The following MTCH1 variants were observed in gnomAD, a reference collection of about 807,000 sequenced individuals.
The protein encoded by MTCH1 is mitochondrial carrier homolog 1.
Under a neutral mutation model 49.3 loss-of-function variants are expected in MTCH1, and 23 were observed. The observed-to-expected ratio is 0.47, with a 90% CI of 0.34 to 0.66. MTCH1 has a LOEUF of 0.66. Ranked by LOEUF, MTCH1 falls within the 30% of genes least tolerant of loss-of-function variation. MTCH1 has a pLI of 0.01. For synonymous variants in MTCH1, 229 were observed against 215.2 expected, an observed-to-expected ratio of 1.06 and a Z score of -0.56; for missense variants, 397 against 532.1, an observed-to-expected ratio of 0.75 and a Z score of 2.50.
chr6:36,984,675 C>T (rs1764230822), intron 1 of MTCH1, among the ~76,000 whole-genome samples: 1 of 152,040 alleles, frequency 6.6e-6, no homozygotes, highest in Non-Finnish European at 1.5e-5. Flanking sequence ...CCCAGCCACA[C>T]CCACCTAATT....
chr6:36,978,323 C>T (rs190758893), intron 3 of MTCH1, among the ~76,000 whole-genome samples, 168 bp from the exon 4 acceptor site: 1 of 152,326 alleles, frequency 6.6e-6, no homozygotes, highest in East Asian at 1.9e-4. Context: ...AAGAAAGCCA[C>T]TATCTGGTGT....
chr6:36,978,599 A>G lies in MTCH1; in HGVS notation c.419T>C (p.Val140Ala). ...PSFFTYAKYI[V>A]QVDGKIGLFR... is the part of the protein sequence containing the mutation. Reference sequence around the variant, plus strand: ...CAGCCCTATCTTACCATCCACTTGCACGATGTACTTGGCTGTAAGAAAACA... The same window carrying G: ...CAGCCCTATCTTACCATCCACTTGCGCGATGTACTTGGCTGTAAGAAAACA... The change falls in exon 3 of 12, where the codon GTG (valine) becomes GCG (alanine). Residue 140 changes from valine to alanine, a missense_variant. Val to Ala is a moderately conservative substitution (Grantham distance 64). Coordinates refer to ENST00000373627, the MANE Select transcript of MTCH1 (RefSeq NM_001271641.2). 2.5e-6 allele frequency: 4 copies of G among 1,614,096 alleles called. No individual in the cohort carries two copies. Among genetic ancestry groups the G allele is most frequent in the Non-Finnish European group, 3.4e-6 (4 of 1,179,966 alleles).
intron 1 of MTCH1, among the ~76,000 whole-genome samples, chr6:36,984,497 G>A (rs1764222127): frequency 6.6e-6 from 1 of 152,038 alleles, no homozygotes; most frequent in South Asian, 2.1e-4. Context: ...TCTCATTCCA[G>A]TTGTATTTTG....
rs556834916 is a variant in MTCH1, at chr6:36,968,223, T to C, written c.*680A>G. 9 of 159,850 alleles carry C rather than the reference T, an allele frequency of 5.6e-5. No homozygotes were observed. Among genetic ancestry groups the C allele is most frequent in the African/African-American group, 1.9e-4 (8 of 41,642 alleles). The allele number at this position is 159,850 out of a possible 1,614,324, so 9.9% of individuals were successfully genotyped here. A position where few individuals can be genotyped will look rare whatever the true frequency, so the allele number is the denominator to read the frequency against. On this transcript the variant is annotated 3_prime_UTR_variant, in exon 12 of 12. Coordinates refer to ENST00000373627, the MANE Select transcript of MTCH1 (RefSeq NM_001271641.2). ...TAAAACTGGGTAGGACTAGAGACAC[T>C]GATCTGCCCAACCTCTGGGTATTCA...
chr6:36,970,232 CCA>C (rs746788438), intron 10 of MTCH1, 118 bp from the exon 11 acceptor site: 26 of 1,418,690 alleles, frequency 1.8e-5, no homozygotes, highest in South Asian at 2.5e-5. Context: ...ACCCCTGACA[CCA>C]CAGTTTACCC....
rs778764027 is a variant in MTCH1, at chr6:36,985,869, A to T, written c.305T>A (p.Val102Glu). 6.4e-7 allele frequency: 1 copy of T among 1,558,938 alleles called. No homozygotes were observed. The highest frequency in any genetic ancestry group is 8.7e-7 in the Non-Finnish European group (1 of 1,151,406). The change falls in exon 1 of 12, where the codon GTG (valine) becomes GAG (glutamate). Residue 102 changes from valine to glutamate, a missense_variant. Physicochemically the swap from Val to Glu is moderately radical, Grantham distance 121 (BLOSUM62 -2). This residue lies in a region of MTCH1 where 252 missense variants were observed against 388.3 expected (regional missense o/e 0.65). Coordinates refer to ENST00000373627, the MANE Select transcript of MTCH1 (RefSeq NM_001271641.2). ...VTALSHPLLY[V>E]KLLIQVGHEP... The stretch of plus-strand genomic sequence containing the variant: ...GTCCCCCACCTGGATGAGCAGCTTC[A>T]CGTAGAGCAGGGGATGGCTGAGCGC...
chr6:36,986,459 G>A (rs188601897), upstream of MTCH1, among the ~76,000 whole-genome samples: 3,367 of 152,136 alleles, frequency 0.022, 124 homozygotes, highest in African/African-American at 0.077. Flanking sequence ...AGAGCACGCG[G>A]GGGCGGGGTT....
At position 36,977,201 on chromosome 6, in the gene MTCH1, G is replaced by A. The variant is rs1202593515; in HGVS notation, c.699C>T (p.Tyr233=). Residue 233 remains tyrosine (Y), a splice_region_variant and synonymous_variant, in exon 6 of 12, where the codon TAC becomes TAT. Transcript: ENST00000373627. The surrounding 1 kb of genome is among the most constrained non-coding windows in gnomAD (Gnocchi z 5.4). ...MVQFVGREAK[Y]SGVLSSIGKI... ...TGCCAGTCCCAAGAGTTACCCACCT[G>A]TACTTGGCCTCCCGTCCCACAAACT... 1.9e-6 allele frequency: 3 copies of A among 1,613,920 alleles called. No homozygotes were observed. Among genetic ancestry groups the A allele is most frequent in the Non-Finnish European group, 2.5e-6 (3 of 1,179,950 alleles).
intron 2 of MTCH1, among the ~76,000 whole-genome samples, chr6:36,979,803 A>G (rs1367889604): frequency 6.6e-6 from 1 of 152,112 alleles, no homozygotes; most frequent in Non-Finnish European, 1.5e-5. Flanking sequence ...ATCCTGAGCA[A>G]AACATCGACC....
chr6:36,978,498 G>T lies in MTCH1; in HGVS notation c.513+7C>A, dbSNP rs1424703340. The T allele has an allele frequency of 6.2e-7, 1 of 1,613,500 alleles. No homozygotes were observed. Among genetic ancestry groups the T allele is most frequent in the East Asian group, 2.2e-5 (1 of 44,878 alleles). Reference sequence around the variant, plus strand: ...GGGCGACTGTTCCTGGCTTTGTGTGGGCTCACCTTCTTCATGCTACCCCGA... The same window carrying T: ...GGGCGACTGTTCCTGGCTTTGTGTGTGCTCACCTTCTTCATGCTACCCCGA... On this transcript the variant is annotated splice_region_variant and intron_variant, in intron 3 of 11. Transcript: ENST00000373627.
intron 7 of MTCH1, among the ~76,000 whole-genome samples, chr6:36,974,524 C>T (rs986212512): frequency 3.9e-5 from 6 of 152,056 alleles, no homozygotes; most frequent in Non-Finnish European, 8.8e-5. Context: ...ATGCAAGCAA[C>T]GACACCTGAC....
rs191316094 is a variant in MTCH1, at chr6:36,975,508, G to A, written c.761+150C>T. The A allele has an allele frequency of 1.7e-3, 1,202 of 708,588 alleles. 1 individual carries two copies. Among genetic ancestry groups the A allele is most frequent in the Non-Finnish European group, 2.6e-3 (1,083 of 409,516 alleles). 43.9% of individuals were successfully genotyped at this position (708,588 alleles called of 1,614,324 possible). On this transcript the variant is annotated intron_variant, in intron 7 of 11. Transcript: ENST00000373627. ...GGGCTAAGCAGCTTGGACACGCTATGGAGCTCTGGAGAGCTGGCTGCAGCA... is the reference window on the plus strand; with the variant it reads ...GGGCTAAGCAGCTTGGACACGCTATAGAGCTCTGGAGAGCTGGCTGCAGCA...
intron 6 of MTCH1, chr6:36,976,495 A>G (rs1336479956): frequency 2.1e-6 from 1 of 470,780 alleles, no homozygotes; most frequent in Non-Finnish European, 4.4e-6. Flanking sequence ...CCCAACTACC[A>G]ACCTCATAAT....
rs1487837044 is a variant in MTCH1, at chr6:36,972,991, G to A, written c.762-195C>T. 6.6e-6 allele frequency among the ~76,000 whole-genome samples: 1 copy of A among 152,126 alleles called. No individual in the cohort carries two copies. The highest frequency in any genetic ancestry group is 2.4e-5 in the African/African-American group (1 of 41,400). ...GATAGTGCTCCTTTTCCCATGGGGAGGTGTTCTATGCCGCTTTGGATGCCA... is the reference window on the plus strand; with the variant it reads ...GATAGTGCTCCTTTTCCCATGGGGAAGTGTTCTATGCCGCTTTGGATGCCA... On this transcript the variant is annotated intron_variant, in intron 7 of 11. Coordinates refer to ENST00000373627, the MANE Select transcript of MTCH1 (RefSeq NM_001271641.2). The surrounding 1 kb of genome is among the most constrained non-coding windows in gnomAD (Gnocchi z 4.1).
intron 8 of MTCH1, chr6:36,971,047 G>A (rs1385123397): frequency 6.8e-5 from 24 of 351,260 alleles, no homozygotes; most frequent in Admixed American, 6.1e-4. Context: ...ACCCAAAGAC[G>A]AATCCTGGCC....
At chr6:36,970,250 G>A in intron 10 of MTCH1, 136 bp from the exon 11 acceptor site, 1 of 1,418,432 alleles carries the variant, frequency 7.1e-7, no homozygotes, top group Admixed American at 1.9e-5. Context: ...TACCCCAGGG[G>A]GTGCTGGGAA....
rs899389043 is a variant in MTCH1 at position 36,972,627 on chromosome 6, A to C, written c.906+25T>G. 4 of 1,538,008 alleles carry C rather than the reference A, an allele frequency of 2.6e-6. No individual in the cohort carries two copies. Among genetic ancestry groups the C allele is most frequent in the Non-Finnish European group, 3.5e-6 (4 of 1,136,228 alleles). ...TGGGCATCAGCAGCACACGGAAAGA[A>C]GGACAAGTCCTTGTTCCAACCAACC... On this transcript the variant is annotated intron_variant, in intron 8 of 11. Coordinates refer to ENST00000373627, the MANE Select transcript of MTCH1 (RefSeq NM_001271641.2). This position sits in a 1 kb window ranked among gnomAD's most constrained non-coding sequence, Gnocchi z 4.1.
chr6:36,985,843 G>A lies in MTCH1; in HGVS notation c.321+10C>T, dbSNP rs1165704040. 1.3e-6 allele frequency: 2 copies of A among 1,552,406 alleles called. No individual in the cohort carries two copies. The highest frequency in any genetic ancestry group is 8.7e-7 in the Non-Finnish European group (1 of 1,148,222). On this transcript the variant is annotated intron_variant, in intron 1 of 11. Coordinates refer to ENST00000373627, the MANE Select transcript of MTCH1 (RefSeq NM_001271641.2). Reference sequence around the variant, plus strand: ...CCTCCCATCTCCCTACGGCGCCTCTGGTCCCCCACCTGGATGAGCAGCTTC... The same window carrying A: ...CCTCCCATCTCCCTACGGCGCCTCTAGTCCCCCACCTGGATGAGCAGCTTC...
Position 36,974,108 on chromosome 6 carries a change from G to GT in MTCH1, c.762-1313dup, listed in dbSNP as rs1224328658. Reference sequence around the variant, plus strand: ...TTACCAGGTACATGTGCAAATATATGTATGTATAAATACTTACACATACAT... The same window carrying GT: ...TTACCAGGTACATGTGCAAATATATGTTATGTATAAATACTTACACATACAT... On this transcript the variant is annotated intron_variant, in intron 7 of 11. Coordinates refer to ENST00000373627, the MANE Select transcript of MTCH1 (RefSeq NM_001271641.2). 5.9e-5 allele frequency among the ~76,000 whole-genome samples: 9 copies of GT among 152,246 alleles called. No homozygotes were observed. The East Asian group carries it at 1.7e-3, about 29-fold the overall frequency.
Sources: allele counts gnomAD v4.1 joint callset (sites outside exome capture counted in the v4.1 genomes callset), GRCh38; gene constraint gnomAD v4.1.1; regional missense constraint gnomAD v4.1.1; non-coding constraint Gnocchi (gnomAD v3.1); transcripts MANE v1.5; gene names NCBI Gene and HGNC (gene_info 2026-07-23, HGNC 2026-07-21).